The following MICU1 variants were observed in gnomAD, a reference collection of about 807,000 sequenced individuals.
MICU1 encodes mitochondrial calcium uptake 1.
MICU1 carries 45 observed loss-of-function variants against 56.8 expected under a neutral mutation model. The ratio of observed to expected loss-of-function variants is 0.79; its 90% CI spans 0.62 to 1.02. The LOEUF (loss-of-function observed/expected upper bound fraction) is 1.02. Ranked by LOEUF, MICU1 falls within the 50% of genes least tolerant of loss-of-function variation. The probability of loss-of-function intolerance (pLI) is 0.00; values close to 1 mark genes in which losing one functional copy is unlikely to be tolerated. For synonymous variants in MICU1, 186 were observed against 195.1 expected (o/e 0.95, Z 0.39); for missense variants, 504 against 587.1 (o/e 0.86, Z 1.46).
chr10:72,414,524 T>C (rs1171467701), intron 9 of MICU1, among the ~76,000 whole-genome samples: 1 of 152,168 alleles, frequency 6.6e-6, no homozygotes, highest in Non-Finnish European at 1.5e-5. Flanking sequence ...TGCCTGGGGC[T>C]AGGGTAGAAA....
chr10:72,575,294 T>G (rs543748855), intron 1 of MICU1, among the ~76,000 whole-genome samples: 1 of 152,232 alleles, frequency 6.6e-6, no homozygotes, highest in Non-Finnish European at 1.5e-5. Context: ...AAGTGATTCA[T>G]CCTAATATCT....
intron 5 of MICU1, among the ~76,000 whole-genome samples, chr10:72,526,883 C>T (rs930416642): frequency 1.3e-5 from 2 of 148,886 alleles, no homozygotes; most frequent in Non-Finnish European, 2.9e-5. Context: ...CAGCAAAGAT[C>T]CAAGTTTTCA....
intron 8 of MICU1, among the ~76,000 whole-genome samples, chr10:72,431,482 T>C (rs552380487): frequency 3.9e-5 from 6 of 152,274 alleles, no homozygotes; most frequent in African/African-American, 1.4e-4. Flanking sequence ...TCAATTATTG[T>C]CAGTTTTTTG....
intron 8 of MICU1, among the ~76,000 whole-genome samples, chr10:72,441,615 C>CTTTTTTTTTTTTTTTTT (rs71018287): frequency 1.9e-5 from 2 of 105,474 alleles, no homozygotes; most frequent in Non-Finnish European, 3.6e-5. Flanking sequence ...TTTAATTTTT[C>CTTTTTTTTTTTTTTTTT]TTTTTTTTTT....
chr10:72,615,846 C>T (rs775824313), intron 1 of MICU1, among the ~76,000 whole-genome samples: 2 of 152,020 alleles, frequency 1.3e-5, no homozygotes, highest in South Asian at 2.1e-4. Context: ...AAAAATTAGC[C>T]GGGCGTGCGG....
At chr10:72,385,010 T>C (rs760052688) in intron 10 of MICU1, among the ~76,000 whole-genome samples, 68 of 152,276 alleles carry the variant, frequency 4.5e-4, no homozygotes, top group Non-Finnish European at 7.2e-4. Context: ...ATGCTCTCCC[T>C]ACATTCTTGC....
intron 1 of MICU1, among the ~76,000 whole-genome samples, chr10:72,567,533 G>C (rs544303025): frequency 1.3e-5 from 2 of 152,220 alleles, no homozygotes; most frequent in Admixed American, 6.5e-5. Flanking sequence ...GTATGTCAGA[G>C]AAACTTACTA....
At chr10:72,474,102 C>T (rs1866031795) in intron 8 of MICU1, among the ~76,000 whole-genome samples, 1 of 151,116 alleles carries the variant, frequency 6.6e-6, no homozygotes, top group Non-Finnish European at 1.5e-5. Flanking sequence ...AATAAAAATA[C>T]AAAATTAGCC....
chr10:72,550,980 C>G (rs1046704038), intron 4 of MICU1, among the ~76,000 whole-genome samples, 199 bp downstream of exon 4: 1 of 152,182 alleles, frequency 6.6e-6, no homozygotes, highest in Non-Finnish European at 1.5e-5. Context: ...ACCTCTTACC[C>G]TGGTTGCAGA....
chr10:72,605,991 C>T (rs113741818), intron 1 of MICU1, among the ~76,000 whole-genome samples: 3 of 151,744 alleles, frequency 2.0e-5, no homozygotes, highest in African/African-American at 7.2e-5. Flanking sequence ...ATTGGCTGGG[C>T]GTGGTGGCGC....
chr10:72,414,851 C>T (rs1863931760), intron 9 of MICU1, among the ~76,000 whole-genome samples: 1 of 152,098 alleles, frequency 6.6e-6, no homozygotes, highest in Non-Finnish European at 1.5e-5. Context: ...ATGATTCCCT[C>T]TTCCTGCCTT....
At chr10:72,597,455 C>T (rs1841411583) in intron 1 of MICU1, among the ~76,000 whole-genome samples, 1 of 152,114 alleles carries the variant, frequency 6.6e-6, no homozygotes, top group African/African-American at 2.4e-5. Context: ...TAGAACGGTA[C>T]TACAGGCTGA....
chr10:72,443,767 G>T (rs1300596813), intron 8 of MICU1, among the ~76,000 whole-genome samples: 2 of 152,066 alleles, frequency 1.3e-5, no homozygotes, highest in African/African-American at 4.8e-5. Context: ...CTTTTACATT[G>T]TTGGTGGGAC....
chr10:72,441,933 TAA>T (rs1487574081), intron 8 of MICU1, among the ~76,000 whole-genome samples: 1 of 152,076 alleles, frequency 6.6e-6, no homozygotes, highest in Non-Finnish European at 1.5e-5. Context: ...TCAATATCTT[TAA>T]AAAGCAACTT....
chr10:72,400,909 TATG>T, intron 10 of MICU1, among the ~76,000 whole-genome samples: 2 of 150,488 alleles, frequency 1.3e-5, no homozygotes, highest in South Asian at 4.2e-4. Flanking sequence ...ACACACCCTA[TATG>T]ATATCATTAA....
intron 1 of MICU1, among the ~76,000 whole-genome samples, chr10:72,619,172 C>T (rs1195018517): frequency 6.6e-6 from 1 of 151,992 alleles, no homozygotes; most frequent in Non-Finnish European, 1.5e-5. Context: ...TAGCCAGGCC[C>T]GGTGGCTCAC....
At chr10:72,624,632 C>T (rs578001232) in intron 1 of MICU1, among the ~76,000 whole-genome samples, 1 of 152,262 alleles carries the variant, frequency 6.6e-6, no homozygotes, top group East Asian at 1.9e-4. Context: ...CATTCTTTCC[C>T]TTTCTCCTCA....
chr10:72,437,791 G>C (rs1182081574), intron 8 of MICU1, among the ~76,000 whole-genome samples: 1 of 152,038 alleles, frequency 6.6e-6, no homozygotes, highest in Non-Finnish European at 1.5e-5. Context: ...AAGATCAAAA[G>C]AGACAAAGAA....
chr10:72,501,559 C>T (rs12356915), intron 6 of MICU1, among the ~76,000 whole-genome samples: 41,889 of 151,396 alleles, frequency 0.28, 7,604 homozygotes, highest in Non-Finnish European at 0.41. Context: ...AGTCATGCAG[C>T]TTATATTCTA....
Sources: gnomAD v4.1 joint callset for allele counts (sites outside exome capture counted in the v4.1 genomes callset) on GRCh38, gnomAD v4.1.1 for gene constraint, MANE v1.5 for transcripts, NCBI Gene and HGNC (gene_info 2026-07-23, HGNC 2026-07-21) for gene names.